The following MCC variants were observed in gnomAD, a reference collection of about 807,000 sequenced individuals.
MCC encodes MCC regulator of Wnt signaling pathway.
A neutral mutation model predicts 116.2 loss-of-function variants in MCC; 90 were observed. The observed-to-expected ratio is 0.77, with a 90% CI of 0.65 to 0.92. The LOEUF (loss-of-function observed/expected upper bound fraction) is 0.92, where lower values mean the gene tolerates loss of function less well. Ranked by LOEUF, MCC falls within the 40% of genes least tolerant of loss-of-function variation. MCC has a pLI of 0.00. For synonymous variants in MCC, 578 were observed against 510.5 expected (o/e 1.13, Z -1.78); for missense variants, 1,516 against 1,312.2 (o/e 1.16, Z -2.40).
intron 3 of MCC, among the ~76,000 whole-genome samples, chr5:113,292,118 G>A (rs1766520598): frequency 6.6e-6 from 1 of 152,114 alleles, no homozygotes; most frequent in East Asian, 1.9e-4. Flanking sequence ...TGTAATTCCA[G>A]CTACTCGGGA....
At chr5:113,128,758 T>C (rs1452402978) in intron 5 of MCC, among the ~76,000 whole-genome samples, 2 of 152,298 alleles carry the variant, frequency 1.3e-5, no homozygotes, top group East Asian at 3.9e-4. Flanking sequence ...ACACTCTTCT[T>C]TCTGGGTTTT....
chr5:113,428,678 A>G (rs1462519694), intron 1 of MCC: 1 of 152,042 alleles, frequency 6.6e-6, no homozygotes, highest in Non-Finnish European at 1.5e-5. Flanking sequence ...CCCAAGTGTA[A>G]TCCTAGGGAA....
chr5:113,186,451 G>C (rs942983493), intron 3 of MCC, among the ~76,000 whole-genome samples: 2 of 152,150 alleles, frequency 1.3e-5, no homozygotes, highest in African/African-American at 4.8e-5. Context: ...TAGAAATGCG[G>C]TCAGCCTCCC....
chr5:113,200,898 T>C (rs1403203221), intron 3 of MCC, among the ~76,000 whole-genome samples: 1 of 152,234 alleles, frequency 6.6e-6, no homozygotes, highest in Non-Finnish European at 1.5e-5. Context: ...AATCTTTCAA[T>C]GCATTTGGCT....
intron 3 of MCC, among the ~76,000 whole-genome samples, chr5:113,242,857 C>T (rs1443492186): frequency 1.3e-5 from 2 of 152,018 alleles, no homozygotes; most frequent in Non-Finnish European, 2.9e-5. Flanking sequence ...GTGACTTTAC[C>T]AAAAGTAACA....
intron 3 of MCC, among the ~76,000 whole-genome samples, chr5:113,311,567 C>A (rs1767135005): frequency 6.6e-6 from 1 of 152,190 alleles, no homozygotes; most frequent in South Asian, 2.1e-4. Flanking sequence ...CAACTGACCC[C>A]AAATACATGA....
chr5:113,193,333 T>C (rs1231373811), intron 3 of MCC, among the ~76,000 whole-genome samples: 3 of 141,288 alleles, frequency 2.1e-5, no homozygotes, highest in African/African-American at 8.0e-5. Context: ...TCAGTAATTC[T>C]GGGGATTAGG....
At chr5:113,393,540 A>T (rs1769452299) in intron 1 of MCC, among the ~76,000 whole-genome samples, 1 of 152,140 alleles carries the variant, frequency 6.6e-6, no homozygotes, top group South Asian at 2.1e-4. Flanking sequence ...TTAGGAGTGG[A>T]ATTACTCATT....
rs1561466078 is a variant in MCC at position 113,220,062 on chromosome 5, T to TTTTTTTTTTTTTTTTTTTTTTTTTTTTG, written c.628-68641_628-68640insCAAAAAAAAAAAAAAAAAAAAAAAAAAA. ...TGGAATCTGCATGTCAATTTCTTTT[T>TTTTTTTTTTTTTTTTTTTTTTTTTTTTG]CTTTTTTTTTTTTGAGACGGAGTCT... On this transcript the variant is annotated intron_variant, in intron 3 of 18. Coordinates refer to ENST00000408903, the MANE Select transcript of MCC (RefSeq NM_001085377.2). Among the ~76,000 whole-genome samples, 2 of 66,820 alleles carry TTTTTTTTTTTTTTTTTTTTTTTTTTTTG rather than the reference T, an allele frequency of 3.0e-5. 1 individual carries two copies. The highest frequency in any genetic ancestry group is 1.2e-4 in the Non-Finnish European group (2 of 16,892). The allele number at this position is 66,820 out of a possible 152,430, so 43.8% of individuals were successfully genotyped here.
chr5:113,066,562 G>T (rs1753618227), intron 13 of MCC, among the ~76,000 whole-genome samples: 1 of 152,146 alleles, frequency 6.6e-6, no homozygotes, highest in Admixed American at 6.5e-5. Context: ...TGGATTACTT[G>T]GATATGAAGC....
chr5:113,279,332 G>A (rs1252280006), intron 3 of MCC, among the ~76,000 whole-genome samples: 1 of 151,998 alleles, frequency 6.6e-6, no homozygotes, highest in Non-Finnish European at 1.5e-5. Context: ...TACCACTGAG[G>A]AATATTACAG....
intron 2 of MCC, among the ~76,000 whole-genome samples, chr5:113,375,736 C>T (rs1232634841): frequency 6.6e-6 from 1 of 152,140 alleles, no homozygotes. Flanking sequence ...TTCATGGTGG[C>T]AGGGGTGTTC....
At chr5:113,029,519 T>A (rs981963038) in intron 17 of MCC, among the ~76,000 whole-genome samples, 2 of 151,962 alleles carry the variant, frequency 1.3e-5, no homozygotes, top group African/African-American at 4.8e-5. Context: ...TGATCCCACC[T>A]TGCCAAAAAC....
At chr5:113,480,809 C>A (rs1365192705) in intron 1 of MCC, among the ~76,000 whole-genome samples, 1 of 152,120 alleles carries the variant, frequency 6.6e-6, no homozygotes. Flanking sequence ...CAGTGTCTTG[C>A]TCTGTTGCCC....
chr5:113,195,350 T>A lies in MCC; in HGVS notation c.628-43928A>T, dbSNP rs539085450. Among the ~76,000 whole-genome samples the A allele has an allele frequency of 2.0e-5, 3 of 152,298 alleles. No individual in the cohort carries two copies. In the South Asian group the frequency reaches 6.2e-4, roughly 32 times the overall value. ...TTATAACAACCAGGACACAGTGAGT[T>A]TCACTAATAGAATTAGACCTACAAT... On this transcript the variant is annotated intron_variant, in intron 3 of 18. Transcript: ENST00000408903.
intron 3 of MCC, among the ~76,000 whole-genome samples, chr5:113,231,832 G>A (rs1281476547): frequency 1.3e-5 from 2 of 152,052 alleles, no homozygotes; most frequent in Non-Finnish European, 1.5e-5. Flanking sequence ...TTATTATAAG[G>A]CTATTTCACA....
At chr5:113,340,052 A>G (rs1303113302) in intron 3 of MCC, among the ~76,000 whole-genome samples, 5 of 152,262 alleles carry the variant, frequency 3.3e-5, no homozygotes, top group South Asian at 2.1e-4. Flanking sequence ...AATTACACAT[A>G]ATGGCCTTCT....
intron 2 of MCC, among the ~76,000 whole-genome samples, chr5:113,365,648 TAAAG>T (rs1768669205): frequency 6.6e-6 from 1 of 152,236 alleles, no homozygotes. Context: ...TGCATTGCTA[TAAAG>T]AAATACCTGA....
intron 3 of MCC, among the ~76,000 whole-genome samples, chr5:113,213,579 T>C (rs2150324833): frequency 6.6e-6 from 1 of 152,278 alleles, no homozygotes; most frequent in Non-Finnish European, 1.5e-5. Flanking sequence ...GATGAAAGGC[T>C]GACTGGCTAC....
Sources: allele counts gnomAD v4.1 joint callset (sites outside exome capture counted in the v4.1 genomes callset), GRCh38; gene constraint gnomAD v4.1.1; transcripts MANE v1.5; gene names NCBI Gene and HGNC (gene_info 2026-07-23, HGNC 2026-07-21).